CA10: variants seen among roughly 807,000 people sequenced by gnomAD.
The protein encoded by CA10 is carbonic anhydrase-related protein 10.
CA10 carries 14 observed loss-of-function variants against 44.2 expected under a neutral mutation model. The ratio of observed to expected loss-of-function variants is 0.32; its 90% CI spans 0.21 to 0.50. The LOEUF (loss-of-function observed/expected upper bound fraction) is 0.50. Ranked by LOEUF, CA10 falls within the 20% of genes least tolerant of loss-of-function variation. The pLI is 0.99. For missense variants in CA10, 350 were observed against 409.7 expected, an observed-to-expected ratio of 0.85 and a Z score of 1.26; for synonymous variants, 159 against 141.6, an observed-to-expected ratio of 1.12 and a Z score of -0.87.
chr17:51,796,546 G>A (rs943681356), intron 3 of CA10, among the ~76,000 whole-genome samples: 1 of 152,166 alleles, frequency 6.6e-6, no homozygotes, highest in Non-Finnish European at 1.5e-5. Context: ...CCTAGTCTTA[G>A]TACTTTTTTA....
chr17:51,667,092 G>T (rs1914234903), intron 4 of CA10, among the ~76,000 whole-genome samples: 1 of 152,216 alleles, frequency 6.6e-6, no homozygotes, highest in South Asian at 2.1e-4. Flanking sequence ...GCCCATTGCT[G>T]CAATTTGAAA....
At chr17:51,738,569 C>A (rs1356753394) in intron 4 of CA10, among the ~76,000 whole-genome samples, 1 of 152,186 alleles carries the variant, frequency 6.6e-6, no homozygotes, top group Admixed American at 6.5e-5. Flanking sequence ...CAATCAGGCA[C>A]TATTATGGCT....
chr17:51,662,707 G>C (rs1398584646), intron 4 of CA10, among the ~76,000 whole-genome samples: 10 of 152,202 alleles, frequency 6.6e-5, no homozygotes, highest in African/African-American at 2.4e-4. Context: ...TCATGGGTCT[G>C]TCCGGTGATG....
chr17:51,960,530 A>T (rs147542887), intron 2 of CA10, among the ~76,000 whole-genome samples: 363 of 152,324 alleles, frequency 2.4e-3, no homozygotes, highest in African/African-American at 8.3e-3. Context: ...ATATAGAAAA[A>T]AATAATTCAA....
chr17:51,982,423 T>C (rs1984682729), intron 2 of CA10, among the ~76,000 whole-genome samples: 1 of 151,896 alleles, frequency 6.6e-6, no homozygotes, highest in Non-Finnish European at 1.5e-5. Flanking sequence ...GATGGAGCCT[T>C]TTGTGTCTAT....
At chr17:51,862,909 T>C (rs1454030193) in intron 3 of CA10, among the ~76,000 whole-genome samples, 5 of 152,068 alleles carry the variant, frequency 3.3e-5, no homozygotes, top group Admixed American at 2.6e-4. Flanking sequence ...CCTAATTATC[T>C]ACCAAAAGCC....
chr17:51,815,000 GT>G (rs1339661942), intron 3 of CA10, among the ~76,000 whole-genome samples: 1 of 152,176 alleles, frequency 6.6e-6, no homozygotes, highest in Non-Finnish European at 1.5e-5. Flanking sequence ...CTGGTGTCTT[GT>G]TGGCTTTTCT....
intron 3 of CA10, among the ~76,000 whole-genome samples, chr17:51,870,692 C>T (rs1161772975): frequency 2.6e-5 from 4 of 152,196 alleles, no homozygotes; most frequent in Admixed American, 6.5e-5. Flanking sequence ...TGGAAGCAAT[C>T]GCCATCAAGG....
rs1298739973 is a variant in CA10 at position 51,649,234 on chromosome 17, T to C, written c.582A>G (p.Pro194=). The C allele has an allele frequency of 1.9e-6, 3 of 1,613,274 alleles. No individual in the cohort carries two copies. Among genetic ancestry groups the C allele is most frequent in the Non-Finnish European group, 8.5e-7 (1 of 1,179,212 alleles). The change falls in exon 6 of 9, where the codon CCA becomes CCG. Residue 194 remains proline, a synonymous_variant. Coordinates refer to ENST00000451037, the MANE Select transcript of CA10 (RefSeq NM_020178.5). ...IFIKVSDSSN[P]FLNRMLNRDT... is the part of the protein sequence containing the mutation. ...CTCTGTTGAGCATTCGATTAAGAAA[T>C]GGGTTTGATGAATCAGAAACCTGGA...
At chr17:51,928,428 T>C (rs548815560) in intron 3 of CA10, among the ~76,000 whole-genome samples, 6 of 152,248 alleles carry the variant, frequency 3.9e-5, no homozygotes, top group African/African-American at 9.6e-5. Flanking sequence ...CCTTAAACTA[T>C]GGTAAGGAAA....
intron 1 of CA10, among the ~76,000 whole-genome samples, chr17:52,136,268 G>A (rs891535950): frequency 6.6e-6 from 1 of 152,166 alleles, no homozygotes; most frequent in Non-Finnish European, 1.5e-5. Context: ...TGAAGTTAGT[G>A]GTTGCACAAT....
At chr17:51,842,737 A>G (rs1420090411) in intron 3 of CA10, among the ~76,000 whole-genome samples, 1 of 151,874 alleles carries the variant, frequency 6.6e-6, no homozygotes, top group Non-Finnish European at 1.5e-5. Flanking sequence ...AGTAAGAGTC[A>G]TATCAATGAA....
chr17:52,016,404 G>A (rs950272812), intron 2 of CA10, among the ~76,000 whole-genome samples: 4 of 152,158 alleles, frequency 2.6e-5, no homozygotes, highest in Admixed American at 6.5e-5. Flanking sequence ...ATCACCACTC[G>A]GTAAATGTAT....
chr17:52,010,250 G>A (rs1417443756), intron 2 of CA10, among the ~76,000 whole-genome samples: 1 of 151,930 alleles, frequency 6.6e-6, no homozygotes, highest in Non-Finnish European at 1.5e-5. Context: ...CCACTTCTCG[G>A]TATCTACCTA....
chr17:51,798,088 G>A (rs1279020280), intron 3 of CA10, among the ~76,000 whole-genome samples: 3 of 152,242 alleles, frequency 2.0e-5, no homozygotes, highest in Middle Eastern at 3.4e-3. Context: ...CACCTCTTTT[G>A]TTTTGCTCCT....
intron 3 of CA10, among the ~76,000 whole-genome samples, chr17:51,767,315 A>G (rs369895723): frequency 0.52 from 3,266 of 6,316 alleles, 144 homozygotes; most frequent in Middle Eastern, 1. Flanking sequence ...ACTCATCCTC[A>G]GTGACTCTGG....
At chr17:52,026,570 T>A (rs900546379) in intron 2 of CA10, among the ~76,000 whole-genome samples, 1 of 152,026 alleles carries the variant, frequency 6.6e-6, no homozygotes, top group Non-Finnish European at 1.5e-5. Context: ...TTTCATTGAG[T>A]CATAGTTTAG....
chr17:51,983,566 AG>A (rs2144091283), intron 2 of CA10, among the ~76,000 whole-genome samples: 1 of 151,658 alleles, frequency 6.6e-6, no homozygotes, highest in South Asian at 2.1e-4. Context: ...AAAATAAAAA[AG>A]GTGTTTTTTT....
At chr17:51,685,440 G>T (rs1013003653) in intron 4 of CA10, among the ~76,000 whole-genome samples, 1 of 152,088 alleles carries the variant, frequency 6.6e-6, no homozygotes, top group Non-Finnish European at 1.5e-5. Context: ...CTGCAAAGCT[G>T]CCAGGTACAA....
Sources: gnomAD v4.1 joint callset for allele counts (sites outside exome capture counted in the v4.1 genomes callset) on GRCh38, gnomAD v4.1.1 for gene constraint, MANE v1.5 for transcripts, NCBI Gene and HGNC (gene_info 2026-07-23, HGNC 2026-07-21) for gene names.